Variants in SLC8A1 observed in about 807,000 individuals in gnomAD.
The protein encoded by SLC8A1 is sodium/calcium exchanger 1.
Under a neutral mutation model 68.3 loss-of-function variants are expected in SLC8A1, and 18 were observed. That is an observed-to-expected ratio of 0.26 (90% CI 0.18 to 0.39). The LOEUF (loss-of-function observed/expected upper bound fraction) is 0.39. Ranked by LOEUF, SLC8A1 falls within the 10% of genes least tolerant of loss-of-function variation. The pLI is 1.00. For missense variants in SLC8A1, 985 were observed against 1,156.7 expected, an observed-to-expected ratio of 0.85 and a Z score of 2.15; for synonymous variants, 475 against 415.5, an observed-to-expected ratio of 1.14 and a Z score of -1.74.
chr2:40,256,771 T>G (rs2063992922), intron 2 of SLC8A1, among the ~76,000 whole-genome samples: 1 of 152,220 alleles, frequency 6.6e-6, no homozygotes. Context: ...ACTTTAGGCC[T>G]GCAGGATGCC....
At chr2:40,408,315 T>A (rs1559556883) in intron 2 of SLC8A1, among the ~76,000 whole-genome samples, 1 of 152,204 alleles carries the variant, frequency 6.6e-6, no homozygotes, top group Admixed American at 6.5e-5. Flanking sequence ...CAAATAATCC[T>A]CCCAGGCTTA....
At chr2:40,187,364 C>G (rs1185612085) in intron 2 of SLC8A1, among the ~76,000 whole-genome samples, 1 of 152,106 alleles carries the variant, frequency 6.6e-6, no homozygotes, top group Non-Finnish European at 1.5e-5. Flanking sequence ...GTAGCTAAAC[C>G]AAAGTAATTC....
At chr2:40,433,734 T>C (rs1184354415) in intron 1 of SLC8A1, among the ~76,000 whole-genome samples, 3 of 152,156 alleles carry the variant, frequency 2.0e-5, no homozygotes, top group Admixed American at 6.6e-5. Context: ...CCTGGTCTTT[T>C]TCCAAGACTG....
At chr2:40,496,429 G>A (rs1411507276) in intron 1 of SLC8A1, among the ~76,000 whole-genome samples, 1 of 152,064 alleles carries the variant, frequency 6.6e-6, no homozygotes, top group Non-Finnish European at 1.5e-5. Flanking sequence ...ATCAAGATCT[G>A]AATAATGTTG....
chr2:40,282,477 C>A (rs1298132336), intron 2 of SLC8A1, among the ~76,000 whole-genome samples: 1 of 152,144 alleles, frequency 6.6e-6, no homozygotes, highest in African/African-American at 2.4e-5. Flanking sequence ...TGCCTATGTA[C>A]ATTTGTTTAC....
intron 2 of SLC8A1, among the ~76,000 whole-genome samples, chr2:40,363,962 G>C (rs1026362593): frequency 1.3e-5 from 2 of 151,842 alleles, no homozygotes; most frequent in Admixed American, 6.6e-5. Context: ...AGAAAAAAAT[G>C]AAAGCACAAT....
chr2:40,502,974 T>A (rs2149938170), intron 1 of SLC8A1, among the ~76,000 whole-genome samples: 1 of 152,118 alleles, frequency 6.6e-6, no homozygotes, highest in South Asian at 2.1e-4. Context: ...CTAGTGGTTA[T>A]CCTTGAGGGG....
intron 2 of SLC8A1, chr2:40,251,560 G>T (rs914169426): frequency 2.6e-5 from 4 of 152,174 alleles, no homozygotes; most frequent in Non-Finnish European, 5.9e-5. Context: ...TAAGGCCTGT[G>T]CATTGTCTCA....
intron 1 of SLC8A1, among the ~76,000 whole-genome samples, chr2:40,493,048 A>G (rs1234588337): frequency 6.6e-6 from 1 of 152,198 alleles, no homozygotes; most frequent in African/African-American, 2.4e-5. Flanking sequence ...ATGAACACTC[A>G]TGTTTATTGT....
intron 2 of SLC8A1, among the ~76,000 whole-genome samples, chr2:40,264,208 T>C (rs1291031894): frequency 2.7e-5 from 4 of 150,836 alleles, no homozygotes; most frequent in African/African-American, 9.7e-5. Context: ...CAACAGGTGC[T>C]GGAGAGGATG....
chr2:40,409,937 T>C (rs927489033), intron 2 of SLC8A1, among the ~76,000 whole-genome samples: 1 of 151,254 alleles, frequency 6.6e-6, no homozygotes, highest in Non-Finnish European at 1.5e-5. Flanking sequence ...CCAACAAAAC[T>C]GGAGTTCTGT....
intron 1 of SLC8A1, among the ~76,000 whole-genome samples, chr2:40,495,142 A>T (rs1705608014): frequency 6.6e-6 from 1 of 152,022 alleles, no homozygotes; most frequent in Admixed American, 6.6e-5. Context: ...AAGATGTCTC[A>T]GTTGATGCAT....
At chr2:40,311,361 A>T (rs967811063) in intron 2 of SLC8A1, among the ~76,000 whole-genome samples, 4 of 152,178 alleles carry the variant, frequency 2.6e-5, no homozygotes, top group African/African-American at 9.6e-5. Context: ...GAAAAAAATC[A>T]TTTTTTCTTC....
chr2:40,357,497 T>TAAAAAAA (rs71406059), intron 2 of SLC8A1, among the ~76,000 whole-genome samples: 1 of 115,516 alleles, frequency 8.7e-6, no homozygotes, highest in Non-Finnish European at 1.7e-5. Context: ...ACCCTGTCTT[T>TAAAAAAA]AAAAAAAAAA....
intron 2 of SLC8A1, among the ~76,000 whole-genome samples, chr2:40,196,104 G>A (rs991760704): frequency 6.6e-6 from 1 of 151,700 alleles, no homozygotes; most frequent in Non-Finnish European, 1.5e-5. Flanking sequence ...TATGGGGGTG[G>A]GGGGAAGGGT....
intron 7 of SLC8A1, among the ~76,000 whole-genome samples, chr2:40,124,357 T>G (rs1436691559): frequency 6.6e-6 from 1 of 152,170 alleles, no homozygotes; most frequent in East Asian, 1.9e-4. Flanking sequence ...GACACTTTTT[T>G]GAAGGGGCTG....
At chr2:40,363,420 T>C (rs951065956) in intron 2 of SLC8A1, among the ~76,000 whole-genome samples, 1 of 152,108 alleles carries the variant, frequency 6.6e-6, no homozygotes, top group Non-Finnish European at 1.5e-5. Context: ...GTGCTGTAAA[T>C]GCAAGAAAGC....
At chr2:40,288,690 T>C (rs1158289117) in intron 2 of SLC8A1, among the ~76,000 whole-genome samples, 1 of 152,008 alleles carries the variant, frequency 6.6e-6, no homozygotes, top group Non-Finnish European at 1.5e-5. Context: ...TATAGGCAAG[T>C]GCTACAAATC....
At chr2:40,129,427 G>C (rs909541171) in intron 7 of SLC8A1, among the ~76,000 whole-genome samples, 1 of 151,848 alleles carries the variant, frequency 6.6e-6, no homozygotes, top group Non-Finnish European at 1.5e-5. Flanking sequence ...GTAGACACAG[G>C]GTCTCTCTAT....
Sources: allele counts gnomAD v4.1 joint callset (sites outside exome capture counted in the v4.1 genomes callset), GRCh38; gene constraint gnomAD v4.1.1; transcripts MANE v1.5; gene names NCBI Gene and HGNC (gene_info 2026-07-23, HGNC 2026-07-21).